Variants in HMGCS1 observed in about 807,000 individuals in gnomAD.
The protein encoded by HMGCS1 is hydroxymethylglutaryl-CoA synthase, cytoplasmic.
A neutral mutation model predicts 52.3 loss-of-function variants in HMGCS1; 9 were observed. The observed-to-expected ratio is 0.17, with a 90% CI of 0.10 to 0.30. The LOEUF (loss-of-function observed/expected upper bound fraction) is 0.30. Among genes scored for constraint, HMGCS1 ranks in the 10% least tolerant of loss-of-function variants. HMGCS1 has a pLI of 1.00. For synonymous variants in HMGCS1, 176 were observed against 214.4 expected (o/e 0.82, Z 1.57); for missense variants, 320 against 620.9 (o/e 0.52, Z 5.15).
rs1419222658 is a variant in HMGCS1, at chr5:43,301,816, C to A, written c.-10-2841G>T. Among the ~76,000 whole-genome samples, 6 of 152,310 alleles carry A rather than the reference C, an allele frequency of 3.9e-5. No homozygotes were observed. The East Asian group carries it at 5.8e-4, about 15-fold the overall frequency. On this transcript the variant is annotated intron_variant, in intron 2 of 10. Coordinates refer to ENST00000325110, the MANE Select transcript of HMGCS1 (RefSeq NM_001098272.3). ...AACATGGAAAAAGCAAAAGAACTGG[C>A]AGAAACTGTAACTGACTAGATGTTA...
rs942521005 is a variant in HMGCS1, at chr5:43,288,336, G to C, written c.*2795C>G. On this transcript the variant is annotated 3_prime_UTR_variant, in exon 11 of 11. Transcript: ENST00000325110. The stretch of plus-strand genomic sequence containing the variant: ...ATGAGGAACCTATGACTTAAGAGCA[G>C]TTGCTAGAAATTTTAAAGAAAGGGT... 6.6e-6 allele frequency: 1 copy of C among 152,172 alleles called. No individual in the cohort carries two copies. The highest frequency in any genetic ancestry group is 2.4e-5 in the African/African-American group (1 of 41,450). The allele number at this position is 152,172 out of a possible 1,614,324, so 9.4% of individuals were successfully genotyped here. A position where few individuals can be genotyped will look rare whatever the true frequency, so the allele number is the denominator to read the frequency against.
rs545172775 is a variant in HMGCS1, at chr5:43,289,098, C to T, written c.*2033G>A. 2.6e-5 allele frequency: 4 copies of T among 152,238 alleles called. No individual in the cohort carries two copies. The highest frequency in any genetic ancestry group is 4.1e-4 in the South Asian group (2 of 4,826). The allele number at this position is 152,238 out of a possible 1,614,324, so 9.4% of individuals were successfully genotyped here. A position where few individuals can be genotyped will look rare whatever the true frequency, so the allele number is the denominator to read the frequency against. On this transcript the variant is annotated 3_prime_UTR_variant, in exon 11 of 11. Coordinates refer to ENST00000325110, the MANE Select transcript of HMGCS1 (RefSeq NM_001098272.3). ...TAGCAAAGTCTATATATGCTTGCCACGCAATTTGAGAGTTAATTTCTTTGT... is the reference window on the plus strand; with the variant it reads ...TAGCAAAGTCTATATATGCTTGCCATGCAATTTGAGAGTTAATTTCTTTGT...
chr5:43,294,943 A>G (rs1425882293), intron 6 of HMGCS1, 82 bp from the exon 7 acceptor site: 1 of 842,964 alleles, frequency 1.2e-6, no homozygotes. Context: ...TTAGGATTCA[A>G]ATCTTTAAGT....
At chr5:43,306,518 A>G (rs1386871699) in intron 2 of HMGCS1, among the ~76,000 whole-genome samples, 2 of 152,212 alleles carry the variant, frequency 1.3e-5, no homozygotes, top group East Asian at 3.9e-4. Context: ...TAATACAAAA[A>G]TGCTAAAATC....
At position 43,290,203 on chromosome 5, in the gene HMGCS1, G is replaced by C. The variant is rs1363494960; in HGVS notation, c.*928C>G. 6.6e-6 allele frequency: 1 copy of C among 152,166 alleles called. No individual in the cohort carries two copies. The highest frequency in any genetic ancestry group is 1.5e-5 in the Non-Finnish European group (1 of 67,996). 9.4% of individuals were successfully genotyped at this position (152,166 alleles called of 1,614,324 possible). A position where few individuals can be genotyped will look rare whatever the true frequency, so the allele number is the denominator to read the frequency against. On this transcript the variant is annotated 3_prime_UTR_variant, in exon 11 of 11. Coordinates refer to ENST00000325110, the MANE Select transcript of HMGCS1 (RefSeq NM_001098272.3). ...GAAGCATCAGAAATAGCCTAATAAT[G>C]CCCTGCCCCTATTCTTCCCTTCCAT... is the stretch of plus-strand genomic sequence containing the variant.
chr5:43,293,350 C>T (rs1753872943), intron 8 of HMGCS1, among the ~76,000 whole-genome samples: 1 of 152,210 alleles, frequency 6.6e-6, no homozygotes, highest in Non-Finnish European at 1.5e-5. Flanking sequence ...ACCTCAGCCT[C>T]CTGAAGTGTT....
chr5:43,294,044 T>C lies in HMGCS1; in HGVS notation c.1183+12A>G. On this transcript the variant is annotated intron_variant, in intron 8 of 10. Transcript: ENST00000325110. ...TTCTCAATACATTCTTGTTGAAAGATTCAGCACTTACCCGGTGTAGCATCT... is the reference window on the plus strand; with the variant it reads ...TTCTCAATACATTCTTGTTGAAAGACTCAGCACTTACCCGGTGTAGCATCT... The C allele has an allele frequency of 1.3e-6, 2 of 1,519,366 alleles. No homozygotes were observed. Among genetic ancestry groups the C allele is most frequent in the South Asian group, 1.1e-5 (1 of 89,246 alleles). The allele number at this position is 1,519,366 out of a possible 1,614,324, so 94.1% of individuals were successfully genotyped here.
At chr5:43,300,973 T>C (rs1754289084) in intron 2 of HMGCS1, among the ~76,000 whole-genome samples, 1 of 152,146 alleles carries the variant, frequency 6.6e-6, no homozygotes, top group African/African-American at 2.4e-5. Flanking sequence ...TTCACTATTT[T>C]ATGGGACAAT....
At position 43,298,383 on chromosome 5, in the gene HMGCS1, A is replaced by T; in HGVS notation, c.448+135T>A. The T allele has an allele frequency of 1.4e-6, 1 of 699,258 alleles. No individual in the cohort carries two copies. Among genetic ancestry groups the T allele is most frequent in the South Asian group, 1.9e-5 (1 of 51,754 alleles). 43.3% of individuals were successfully genotyped at this position (699,258 alleles called of 1,614,324 possible). ...AATTCGGATAATGACAGACAGGTAA[A>T]ATATCTTTCTTAATATATCCAAACA... is the stretch of plus-strand genomic sequence containing the variant. On this transcript the variant is annotated intron_variant, in intron 3 of 10. Transcript: ENST00000325110. The surrounding 1 kb of genome is among the most constrained non-coding windows in gnomAD (Gnocchi z 5.6).
intron 2 of HMGCS1, among the ~76,000 whole-genome samples, chr5:43,302,622 A>G (rs1754376528): frequency 6.6e-6 from 1 of 152,258 alleles, no homozygotes; most frequent in African/African-American, 2.4e-5. Flanking sequence ...CAAAACTGCC[A>G]GCATGACATT....
chr5:43,291,092 G>GCCC lies in HMGCS1; in HGVS notation c.*36_*38dup. ...AACTGTTCCCATACCCCCACCCCAT[G>GCCC]CCCACCCCACCCTGAAGTCTTGCAC... On this transcript the variant is annotated 3_prime_UTR_variant, in exon 11 of 11. Coordinates refer to ENST00000325110, the MANE Select transcript of HMGCS1 (RefSeq NM_001098272.3). The GCCC allele has an allele frequency of 4.2e-6, 2 of 477,552 alleles. No individual in the cohort carries two copies. The allele number at this position is 477,552 out of a possible 1,614,324, so 29.6% of individuals were successfully genotyped here.
intron 1 of HMGCS1, among the ~76,000 whole-genome samples, chr5:43,309,795 G>T (rs1754769345): frequency 6.6e-6 from 1 of 152,200 alleles, no homozygotes; most frequent in Non-Finnish European, 1.5e-5. Flanking sequence ...AGCCAGGCAG[G>T]TTACCACAAA....
At chr5:43,312,415 A>C (rs1754915215) in intron 1 of HMGCS1, among the ~76,000 whole-genome samples, 3 of 152,238 alleles carry the variant, frequency 2.0e-5, no homozygotes, top group Non-Finnish European at 4.4e-5. Context: ...CAAGCATGAC[A>C]AACAGGCACA....
chr5:43,308,533 T>A (rs10941621), intron 1 of HMGCS1, among the ~76,000 whole-genome samples: 1 of 152,022 alleles, frequency 6.6e-6, no homozygotes, highest in Non-Finnish European at 1.5e-5. Context: ...TTTTCCCTCT[T>A]ACTGCTTATG....
chr5:43,306,374 T>C (rs1489298532), intron 2 of HMGCS1, among the ~76,000 whole-genome samples: 1 of 152,186 alleles, frequency 6.6e-6, no homozygotes, highest in African/African-American at 2.4e-5. Flanking sequence ...CCTCAATGGC[T>C]GTGTTGGGGA....
At chr5:43,293,027 A>G in intron 8 of HMGCS1, 54 bp from the exon 9 acceptor site, 4 of 1,467,414 alleles carry the variant, frequency 2.7e-6, no homozygotes, top group Non-Finnish European at 3.7e-6. Flanking sequence ...ATCATGTCCA[A>G]AAGAAGCCTA....
At chr5:43,301,303 G>C (rs1754305565) in intron 2 of HMGCS1, among the ~76,000 whole-genome samples, 1 of 152,184 alleles carries the variant, frequency 6.6e-6, no homozygotes, top group Non-Finnish European at 1.5e-5. Context: ...AACTAGGTAA[G>C]GGTTAGGTCA....
intron 2 of HMGCS1, among the ~76,000 whole-genome samples, chr5:43,305,940 CATAAA>C (rs955381540): frequency 2.6e-5 from 4 of 151,484 alleles, no homozygotes; most frequent in Non-Finnish European, 4.4e-5. Flanking sequence ...CTATATTCAC[CATAAA>C]ATAAGTCTAA....
At chr5:43,307,867 C>T (rs1004760732) in intron 1 of HMGCS1, 43 bp from the exon 2 acceptor site, 1 of 152,226 alleles carries the variant, frequency 6.6e-6, no homozygotes, top group African/African-American at 2.4e-5. Context: ...TTATAAATCA[C>T]TACCCAAATT....
Sources: gnomAD v4.1 joint callset for allele counts (sites outside exome capture counted in the v4.1 genomes callset) on GRCh38, gnomAD v4.1.1 for gene constraint, Gnocchi (gnomAD v3.1) non-coding constraint, MANE v1.5 for transcripts, NCBI Gene and HGNC (gene_info 2026-07-23, HGNC 2026-07-21) for gene names.